CYP20A1: variants seen among roughly 807,000 people sequenced by gnomAD.
The protein encoded by CYP20A1 is cytochrome P450 20A1.
CYP20A1 carries 61 observed loss-of-function variants against 61.4 expected under a neutral mutation model. The observed-to-expected ratio is 0.99, with a 90% confidence interval of 0.81 to 1.23. The LOEUF (loss-of-function observed/expected upper bound fraction) is 1.23, where lower values mean the gene tolerates loss of function less well. Among genes scored for constraint, CYP20A1 ranks in the 50% most tolerant of loss-of-function variants. The pLI is 0.00. For synonymous variants in CYP20A1, 193 were observed against 188.2 expected (o/e 1.03, Z -0.21); for missense variants, 530 against 542.4 (o/e 0.98, Z 0.23).
intron 1 of CYP20A1, 127 bp from the exon 2 acceptor site, chr2:203,245,719 G>A (rs1012632395): frequency 1.9e-6 from 1 of 522,438 alleles, no homozygotes; most frequent in African/African-American, 2.0e-5. Context: ...ATTTTAATAT[G>A]GAAATAATTT....
At chr2:203,241,741 T>C (rs1332120866) in intron 1 of CYP20A1, among the ~76,000 whole-genome samples, 1 of 152,218 alleles carries the variant, frequency 6.6e-6, no homozygotes, top group Non-Finnish European at 1.5e-5. Context: ...CATAGCTCAT[T>C]GTAACCTCAA....
chr2:203,271,890 G>A (rs989029470), intron 5 of CYP20A1, among the ~76,000 whole-genome samples: 1 of 152,124 alleles, frequency 6.6e-6, no homozygotes, highest in Non-Finnish European at 1.5e-5. Flanking sequence ...GCTGGGCATG[G>A]TGGTGGGCAC....
chr2:203,289,828 G>C lies in CYP20A1; in HGVS notation c.1035G>C (p.Gln345His). Reference sequence around the variant, plus strand: ...CCAAACTGACTCCAGTTTCTGCCCAGCTTCAAGATATTGAAGGAAAAATTG... The same window carrying C: ...CCAAACTGACTCCAGTTTCTGCCCACCTTCAAGATATTGAAGGAAAAATTG... ...RTAKLTPVSA[Q>H]LQDIEGKIDR... Residue 345 changes from glutamine to histidine, a missense_variant, in exon 10 of 13, where the codon CAG becomes CAC. Coordinates refer to ENST00000356079, the MANE Select transcript of CYP20A1 (RefSeq NM_177538.3). 1 of 1,601,346 alleles carries C rather than the reference G, an allele frequency of 6.2e-7. No homozygotes were observed. Among genetic ancestry groups the C allele is most frequent in the Non-Finnish European group, 8.5e-7 (1 of 1,173,062 alleles).
At chr2:203,252,239 T>A in intron 4 of CYP20A1, 130 bp downstream of exon 4, 1 of 714,596 alleles carries the variant, frequency 1.4e-6, no homozygotes, top group Non-Finnish European at 2.1e-6. Context: ...TATTCTGAAA[T>A]TAAAAACGAC....
chr2:203,278,284 G>C (rs1285314406), intron 6 of CYP20A1, among the ~76,000 whole-genome samples: 1 of 152,088 alleles, frequency 6.6e-6, no homozygotes, highest in Non-Finnish European at 1.5e-5. Context: ...AAAAATAAAA[G>C]AAAAAGTCAA....
chr2:203,269,474 T>A (rs2067470688), intron 5 of CYP20A1, among the ~76,000 whole-genome samples: 1 of 150,150 alleles, frequency 6.7e-6, no homozygotes, highest in South Asian at 2.1e-4. Flanking sequence ...AAAAATGACA[T>A]TTTATGATTG....
chr2:203,287,888 C>G (rs1194633270), intron 9 of CYP20A1, among the ~76,000 whole-genome samples: 2 of 151,792 alleles, frequency 1.3e-5, no homozygotes, highest in East Asian at 3.9e-4. Flanking sequence ...ACAAACTACT[C>G]CTCTGTATAG....
At chr2:203,254,502 G>T (rs1005498050) in intron 4 of CYP20A1, among the ~76,000 whole-genome samples, 5 of 150,366 alleles carry the variant, frequency 3.3e-5, no homozygotes, top group African/African-American at 1.2e-4. Context: ...CCAAGATCAT[G>T]CCACTCACTG....
chr2:203,269,656 G>A (rs932396253), intron 5 of CYP20A1, among the ~76,000 whole-genome samples: 34 of 151,766 alleles, frequency 2.2e-4, no homozygotes, highest in Non-Finnish European at 5.9e-5. Flanking sequence ...CACCACGCCT[G>A]GCTAATTTTT....
intron 4 of CYP20A1, among the ~76,000 whole-genome samples, chr2:203,266,279 G>A (rs1047520541): frequency 2.0e-5 from 3 of 151,732 alleles, no homozygotes; most frequent in African/African-American, 7.3e-5. Flanking sequence ...TGTTTTTATT[G>A]TCGTGATAGT....
chr2:203,264,360 C>G (rs1333905304), intron 4 of CYP20A1, among the ~76,000 whole-genome samples: 1 of 152,024 alleles, frequency 6.6e-6, no homozygotes, highest in Non-Finnish European at 1.5e-5. Flanking sequence ...ATTATATATT[C>G]TTGGTACTGA....
At chr2:203,294,987 C>T in intron 11 of CYP20A1, among the ~76,000 whole-genome samples, 1 of 91,644 alleles carries the variant, frequency 1.1e-5, no homozygotes, top group African/African-American at 4.5e-5. Context: ...GAGTCTCACT[C>T]TGTCGCCCAG....
intron 1 of CYP20A1, among the ~76,000 whole-genome samples, chr2:203,242,873 C>T (rs2066304051): frequency 6.6e-6 from 1 of 152,078 alleles, no homozygotes; most frequent in South Asian, 2.1e-4. Flanking sequence ...GCCCTGTATC[C>T]ATTTGTCATA....
At chr2:203,283,575 A>C (rs1395828894) in intron 8 of CYP20A1, among the ~76,000 whole-genome samples, 1 of 127,020 alleles carries the variant, frequency 7.9e-6, no homozygotes, top group African/African-American at 3.0e-5. Context: ...TTTGAGACTG[A>C]GTCTTGCTCT....
rs778631685 is a variant in CYP20A1 at position 203,266,565 on chromosome 2, G to C, written c.484G>C (p.Val162Leu). 17 of 1,613,834 alleles carry C rather than the reference G, an allele frequency of 1.1e-5. No individual in the cohort carries two copies. The highest frequency in any genetic ancestry group is 1.4e-5 in the Non-Finnish European group (16 of 1,179,892). Residue 162 changes from valine (V) to leucine (L), a missense_variant, in exon 5 of 13, where the codon GTG (valine) becomes CTG (leucine). Physicochemically the swap from Val to Leu is conservative, Grantham distance 32 (BLOSUM62 1). Coordinates refer to ENST00000356079, the MANE Select transcript of CYP20A1 (RefSeq NM_177538.3). Reference sequence around the variant, plus strand: ...GCTCTCCTACCCAGAGACCCAGCACGTGCCCCTCAGCCAGCATATGCTTGG... The same window carrying C: ...GCTCTCCTACCCAGAGACCCAGCACCTGCCCCTCAGCCAGCATATGCTTGG... ...KWLSYPETQHVPLSQHMLGFA... is the reference protein window; with the variant it reads ...KWLSYPETQHLPLSQHMLGFA...
rs1038247861 is a variant in CYP20A1, at chr2:203,300,585, G to A, written c.*3677G>A. Among the ~76,000 whole-genome samples, 3 of 152,112 alleles carry A rather than the reference G, an allele frequency of 2.0e-5. No individual in the cohort carries two copies. Among genetic ancestry groups the A allele is most frequent in the African/African-American group, 7.2e-5 (3 of 41,420 alleles). On this transcript the variant is annotated 3_prime_UTR_variant, in exon 13 of 13. Coordinates refer to ENST00000356079, the MANE Select transcript of CYP20A1 (RefSeq NM_177538.3). ...ATATTCTTTTTGATAGTTCAGAAGT[G>A]TATTGTTAAAAAACATAAGCATGGC...
At chr2:203,294,940 A>ATTTT (rs1559110323) in intron 11 of CYP20A1, among the ~76,000 whole-genome samples, 79 of 91,226 alleles carry the variant, frequency 8.7e-4, no homozygotes, top group African/African-American at 2.9e-3. Flanking sequence ...CCTTTAAAAA[A>ATTTT]ATTTTTTTTT....
intron 6 of CYP20A1, among the ~76,000 whole-genome samples, chr2:203,277,711 T>G (rs930927094): frequency 3.3e-5 from 5 of 151,944 alleles, no homozygotes; most frequent in African/African-American, 9.7e-5. Context: ...AGATGGGGTT[T>G]TGCCATCTTG....
At chr2:203,273,892 A>C (rs1426917500) in intron 6 of CYP20A1, among the ~76,000 whole-genome samples, 1 of 152,204 alleles carries the variant, frequency 6.6e-6, no homozygotes, top group Non-Finnish European at 1.5e-5. Flanking sequence ...AGTTGCAGTG[A>C]GCTGAGATCG....
Sources: allele counts gnomAD v4.1 joint callset (sites outside exome capture counted in the v4.1 genomes callset), GRCh38; gene constraint gnomAD v4.1.1; transcripts MANE v1.5; gene names NCBI Gene and HGNC (gene_info 2026-07-23, HGNC 2026-07-21).